The following CCDC91 variants were observed in gnomAD, a reference collection of about 807,000 sequenced individuals.
CCDC91 encodes coiled-coil domain containing 91, also known as coiled-coil domain-containing protein 91.
In CCDC91, 48 loss-of-function variants were observed where a neutral mutation model predicts 63.2. The observed-to-expected ratio is 0.76, with a 90% CI of 0.60 to 0.97. CCDC91 has a LOEUF of 0.97. Among genes scored for constraint, CCDC91 ranks in the 50% least tolerant of loss-of-function variants. The pLI is 0.00. For missense variants in CCDC91, 500 were observed against 494.6 expected (o/e 1.01, Z -0.10); for synonymous variants, 167 against 165.8 (o/e 1.01, Z -0.06).
At chr12:28,195,893 C>G (rs1941724289) in intron 1 of CCDC91, among the ~76,000 whole-genome samples, 1 of 151,984 alleles carries the variant, frequency 6.6e-6, no homozygotes, top group Non-Finnish European at 1.5e-5. Flanking sequence ...TCGCTTGAGC[C>G]CAGGAGTTCA....
chr12:28,255,304 A>G (rs146266182), intron 1 of CCDC91, among the ~76,000 whole-genome samples: 82 of 152,352 alleles, frequency 5.4e-4, no homozygotes, highest in African/African-American at 1.7e-3. Context: ...TAAAAATTCC[A>G]TTCTTTTGAA....
chr12:28,418,156 G>A (rs947328388), intron 8 of CCDC91, among the ~76,000 whole-genome samples: 1 of 152,044 alleles, frequency 6.6e-6, no homozygotes, highest in African/African-American at 2.4e-5. Context: ...CAATGTGGCT[G>A]TACCATTTTG....
chr12:28,370,738 T>G (rs1291399063), intron 7 of CCDC91, among the ~76,000 whole-genome samples: 1 of 152,176 alleles, frequency 6.6e-6, no homozygotes, highest in Admixed American at 6.5e-5. Flanking sequence ...GACTCACAGT[T>G]CCACATTGCT....
At chr12:28,497,641 A>T (rs1463992171) in intron 12 of CCDC91, among the ~76,000 whole-genome samples, 1 of 151,592 alleles carries the variant, frequency 6.6e-6, no homozygotes, top group African/African-American at 2.4e-5. Context: ...GCGTACATTG[A>T]GATTGAGTCA....
intron 3 of CCDC91, among the ~76,000 whole-genome samples, chr12:28,296,478 G>GTAA (rs1456517258): frequency 6.6e-6 from 1 of 151,782 alleles, no homozygotes; most frequent in Non-Finnish European, 1.5e-5. Context: ...TATCAATGAT[G>GTAA]TAATCATTTT....
chr12:28,267,681 T>TTAC lies in CCDC91; in HGVS notation c.109+8241_109+8242insCTA, dbSNP rs869203374. Among the ~76,000 whole-genome samples the TTAC allele has an allele frequency of 3.3e-3, 10 of 3,042 alleles. No individual in the cohort carries two copies. In the East Asian group the frequency reaches 0.5, roughly 152 times the overall value. 2.0% of individuals were successfully genotyped at this position (3,042 alleles called of 152,430 possible). A position where few individuals can be genotyped will look rare whatever the true frequency, so the allele number is the denominator to read the frequency against. ...ATTAATATATTAATTATATTATATG[T>TTAC]TATATAAATTATTTATTATATATAA... On this transcript the variant is annotated intron_variant, in intron 3 of 12. Transcript: ENST00000536442.
chr12:28,517,887 T>C (rs1264561840), intron 12 of CCDC91, among the ~76,000 whole-genome samples: 5 of 152,004 alleles, frequency 3.3e-5, no homozygotes, highest in Non-Finnish European at 5.9e-5. Context: ...ACATATGATA[T>C]TTGGTTTTCC....
intron 11 of CCDC91, among the ~76,000 whole-genome samples, chr12:28,472,836 AT>A (rs1237672796): frequency 6.6e-6 from 1 of 152,198 alleles, no homozygotes; most frequent in African/African-American, 2.4e-5. Context: ...AGTTTCTCAA[AT>A]GCATAAGTGG....
intron 12 of CCDC91, among the ~76,000 whole-genome samples, chr12:28,502,218 A>G (rs1938002518): frequency 6.6e-6 from 1 of 151,956 alleles, no homozygotes; most frequent in Non-Finnish European, 1.5e-5. Context: ...TAAGCTGATA[A>G]GCAACTTCAG....
chr12:28,290,345 C>T (rs1311858972), intron 3 of CCDC91, among the ~76,000 whole-genome samples: 2 of 151,798 alleles, frequency 1.3e-5, no homozygotes, highest in African/African-American at 4.8e-5. Flanking sequence ...TTCTGATTTC[C>T]ATTTGCTTGT....
At chr12:28,195,823 G>A (rs1167328948) in intron 1 of CCDC91, among the ~76,000 whole-genome samples, 6 of 152,256 alleles carry the variant, frequency 3.9e-5, no homozygotes, top group South Asian at 2.1e-4. Context: ...TACCTTTCCT[G>A]TCCCACTGCT....
rs558443853 is a variant in CCDC91, at chr12:28,514,084, TATAAGCA to T, written c.1215+29920_1215+29926del. 1.3e-3 allele frequency among the ~76,000 whole-genome samples: 191 copies of T among 152,138 alleles called. 1 individual carries two copies. Among genetic ancestry groups the T allele is most frequent in the Non-Finnish European group, 2.0e-3 (136 of 67,954 alleles). On this transcript the variant is annotated intron_variant, in intron 12 of 12. Transcript: ENST00000536442. Reference sequence around the variant, plus strand: ...CTAACTTACACTGCCATCAGCAGTGTATAAGCATTCCCTTTTCTCCTCAACCTTGCCA... The same window carrying T: ...CTAACTTACACTGCCATCAGCAGTGTTTCCCTTTTCTCCTCAACCTTGCCA...
chr12:28,346,342 C>A (rs180799206), intron 6 of CCDC91, among the ~76,000 whole-genome samples: 1 of 152,188 alleles, frequency 6.6e-6, no homozygotes, highest in African/African-American at 2.4e-5. Flanking sequence ...AGTTACAGTT[C>A]GGTTTTGGGT....
At chr12:28,425,925 T>C (rs559110216) in intron 8 of CCDC91, among the ~76,000 whole-genome samples, 21 of 152,208 alleles carry the variant, frequency 1.4e-4, no homozygotes, top group Non-Finnish European at 2.9e-4. Context: ...CAACTAACAG[T>C]GTACCTTTCA....
intron 7 of CCDC91, among the ~76,000 whole-genome samples, chr12:28,377,591 T>C (rs1172762082): frequency 6.6e-6 from 1 of 151,922 alleles, no homozygotes; most frequent in African/African-American, 2.4e-5. Flanking sequence ...AATTAGTTAC[T>C]TATTATTACA....
intron 6 of CCDC91, among the ~76,000 whole-genome samples, chr12:28,349,987 T>C (rs1943072682): frequency 6.6e-6 from 1 of 152,172 alleles, no homozygotes; most frequent in Non-Finnish European, 1.5e-5. Context: ...AAATCCTGAG[T>C]ATTTTGGGTT....
intron 12 of CCDC91, among the ~76,000 whole-genome samples, chr12:28,536,281 T>TA (rs1942168248): frequency 6.6e-6 from 1 of 152,178 alleles, no homozygotes; most frequent in Admixed American, 6.5e-5. Flanking sequence ...GACATTAACT[T>TA]ACGAAATTTC....
intron 3 of CCDC91, among the ~76,000 whole-genome samples, chr12:28,279,153 G>T (rs1948432567): frequency 6.6e-6 from 1 of 151,390 alleles, no homozygotes. Flanking sequence ...GTTTTGTGAA[G>T]TCTTTTTTTT....
chr12:28,270,929 A>G (rs922744529), intron 3 of CCDC91, among the ~76,000 whole-genome samples: 1 of 152,166 alleles, frequency 6.6e-6, no homozygotes, highest in African/African-American at 2.4e-5. Context: ...AACAAGACAA[A>G]CAAGATGTTT....
Sources: allele counts gnomAD v4.1 joint callset (sites outside exome capture counted in the v4.1 genomes callset), GRCh38; gene constraint gnomAD v4.1.1; transcripts MANE v1.5; gene names NCBI Gene and HGNC (gene_info 2026-07-23, HGNC 2026-07-21).